FARS2: variants seen among roughly 807,000 people sequenced by gnomAD.
FARS2 encodes the protein phenylalanyl-tRNA synthetase 2, mitochondrial, also known as phenylalanine--tRNA ligase, mitochondrial.
FARS2 carries 40 observed loss-of-function variants against 46.4 expected under a neutral mutation model. The observed-to-expected ratio is 0.86, with a 90% CI of 0.67 to 1.12. FARS2 has a LOEUF of 1.12. FARS2 is among the 50% of genes most tolerant of loss of function. The probability of loss-of-function intolerance (pLI) is 0.00; values close to 1 mark genes in which losing one functional copy is unlikely to be tolerated. For missense variants in FARS2, 513 were observed against 567.9 expected, an observed-to-expected ratio of 0.90 and a Z score of 0.98; for synonymous variants, 234 against 214.9, an observed-to-expected ratio of 1.09 and a Z score of -0.78.
chr6:5,501,179 G>C (rs1402775634), intron 4 of FARS2, among the ~76,000 whole-genome samples: 2 of 151,978 alleles, frequency 1.3e-5, no homozygotes, highest in African/African-American at 2.4e-5. Context: ...AAACCTCAAA[G>C]AGTTTAAGTA....
rs1759591996 is a variant in FARS2, at chr6:5,717,728, A to G, written c.1218-53563A>G. ...ATATATTTAATTATAAAATTCCCAC[A>G]TCAGCTTTTTACATAATATATTCCA... is the stretch of plus-strand genomic sequence containing the variant. On this transcript the variant is annotated intron_variant, in intron 6 of 6. Transcript: ENST00000274680. 2.0e-5 allele frequency among the ~76,000 whole-genome samples: 3 copies of G among 152,058 alleles called. No individual in the cohort carries two copies. The South Asian group carries it at 6.2e-4, about 32-fold the overall frequency.
intron 5 of FARS2, among the ~76,000 whole-genome samples, chr6:5,578,979 T>C (rs1285491264): frequency 6.6e-6 from 1 of 152,228 alleles, no homozygotes; most frequent in Non-Finnish European, 1.5e-5. Flanking sequence ...ACGTGGAGGA[T>C]AAGGTTTTGT....
At chr6:5,386,656 A>G (rs1350868034) in intron 2 of FARS2, among the ~76,000 whole-genome samples, 3 of 152,160 alleles carry the variant, frequency 2.0e-5, no homozygotes, top group Non-Finnish European at 4.4e-5. Flanking sequence ...ATCCCTCTAC[A>G]TGGGGAAGTG....
chr6:5,392,663 T>C (rs73350549), intron 2 of FARS2, among the ~76,000 whole-genome samples: 10,888 of 151,240 alleles, frequency 0.072, 467 homozygotes, highest in African/African-American at 0.11. Context: ...AATGACCACA[T>C]TGGACTGAAG....
At chr6:5,769,131 A>G (rs1303434024) in intron 6 of FARS2, among the ~76,000 whole-genome samples, 1 of 152,156 alleles carries the variant, frequency 6.6e-6, no homozygotes, top group Non-Finnish European at 1.5e-5. Context: ...GATATATGAT[A>G]TATTTTGAGT....
intron 6 of FARS2, among the ~76,000 whole-genome samples, chr6:5,724,548 GGGA>G (rs968017241): frequency 1.6e-4 from 24 of 152,300 alleles, no homozygotes; most frequent in African/African-American, 5.8e-4. Context: ...TAGTTGAGAA[GGGA>G]GGAGGAGAAC....
At chr6:5,533,402 G>A (rs902042210) in intron 4 of FARS2, among the ~76,000 whole-genome samples, 2 of 152,088 alleles carry the variant, frequency 1.3e-5, no homozygotes, top group African/African-American at 2.4e-5. Context: ...GAAATTCTTC[G>A]GAATACTATC....
rs561670643 is a variant in FARS2, at chr6:5,688,879, G to T, written c.1217+75559G>T. On this transcript the variant is annotated intron_variant, in intron 6 of 6. Transcript: ENST00000274680. ...TATTAATTATTGCCTCAATTTCAGAGCCTGTTATTGGTCTATTCAGAGATT... is the reference window on the plus strand; with the variant it reads ...TATTAATTATTGCCTCAATTTCAGATCCTGTTATTGGTCTATTCAGAGATT... Among the ~76,000 whole-genome samples, 361 of 152,194 alleles carry T rather than the reference G, an allele frequency of 2.4e-3. 5 individuals carry two copies. Among genetic ancestry groups the T allele is most frequent in the Admixed American group, 0.016 (251 of 15,290 alleles).
At chr6:5,571,327 A>G (rs898343922) in intron 5 of FARS2, among the ~76,000 whole-genome samples, 1 of 152,250 alleles carries the variant, frequency 6.6e-6, no homozygotes, top group African/African-American at 2.4e-5. Context: ...ATACGGGTGT[A>G]ATACCTTCAT....
At chr6:5,427,308 A>C (rs73352406) in intron 3 of FARS2, among the ~76,000 whole-genome samples, 4,457 of 152,336 alleles carry the variant, frequency 0.029, 204 homozygotes, top group African/African-American at 0.1. Context: ...TAAAACTACT[A>C]GAAGAAAACA....
intron 4 of FARS2, among the ~76,000 whole-genome samples, chr6:5,509,416 T>A (rs901160347): frequency 6.6e-6 from 1 of 152,170 alleles, no homozygotes; most frequent in African/African-American, 2.4e-5. Context: ...ACGTAGCTGA[T>A]GAAAATGTCA....
intron 3 of FARS2, among the ~76,000 whole-genome samples, chr6:5,410,406 C>T (rs972765287): frequency 6.6e-6 from 1 of 152,124 alleles, no homozygotes; most frequent in Non-Finnish European, 1.5e-5. Flanking sequence ...AGGTGATTCA[C>T]CCACTTTGGA....
intron 3 of FARS2, among the ~76,000 whole-genome samples, chr6:5,416,326 A>G (rs1381590072): frequency 2.6e-5 from 4 of 152,222 alleles, no homozygotes; most frequent in Non-Finnish European, 5.9e-5. Flanking sequence ...GATCTGAGGT[A>G]CGGATTGAAA....
chr6:5,359,747 A>G (rs1338923974), intron 1 of FARS2, among the ~76,000 whole-genome samples: 1 of 152,260 alleles, frequency 6.6e-6, no homozygotes, highest in East Asian at 1.9e-4. Context: ...AGATAAGTAA[A>G]TAGCCATTTG....
At chr6:5,304,531 G>C (rs983392141) in intron 1 of FARS2, among the ~76,000 whole-genome samples, 1 of 152,174 alleles carries the variant, frequency 6.6e-6, no homozygotes, top group African/African-American at 2.4e-5. Flanking sequence ...TTGCTTTCCA[G>C]AAGAGTGGAG....
intron 6 of FARS2, among the ~76,000 whole-genome samples, chr6:5,621,794 G>A (rs1775788000): frequency 6.6e-6 from 1 of 152,180 alleles, no homozygotes; most frequent in Non-Finnish European, 1.5e-5. Context: ...TTTATCTCAG[G>A]ATACACCTGA....
intron 6 of FARS2, among the ~76,000 whole-genome samples, chr6:5,734,773 C>T (rs184843010): frequency 8.9e-4 from 135 of 152,138 alleles, no homozygotes; most frequent in East Asian, 2.1e-3. Context: ...GTAAATAAGA[C>T]GGAAAGATAG....
intron 1 of FARS2, among the ~76,000 whole-genome samples, chr6:5,347,038 C>T (rs772645647): frequency 4.0e-5 from 6 of 151,824 alleles, no homozygotes; most frequent in Non-Finnish European, 7.4e-5. Context: ...CTCAGCCTCC[C>T]GAGTAGCTGG....
At chr6:5,558,637 T>C (rs937242892) in intron 5 of FARS2, among the ~76,000 whole-genome samples, 17 of 151,902 alleles carry the variant, frequency 1.1e-4, no homozygotes, top group African/African-American at 2.9e-4. Flanking sequence ...CGCGGGTTCA[T>C]GCCATTCTCC....
Sources: gnomAD v4.1 joint callset for allele counts (sites outside exome capture counted in the v4.1 genomes callset) on GRCh38, gnomAD v4.1.1 for gene constraint, MANE v1.5 for transcripts, NCBI Gene and HGNC (gene_info 2026-07-23, HGNC 2026-07-21) for gene names.